Variants in NXPE2 observed in about 807,000 individuals in gnomAD.
NXPE2 encodes the protein neurexophilin and PC-esterase domain family member 2, also known as NXPE family member 2.
NXPE2 carries 34 observed loss-of-function variants against 34.4 expected under a neutral mutation model. The observed-to-expected ratio is 0.99, with a 90% CI of 0.75 to 1.31. NXPE2 has a LOEUF of 1.31. Ranked by LOEUF, NXPE2 falls within the 40% of genes most tolerant of loss-of-function variation. The pLI, the probability that NXPE2 is intolerant of heterozygous loss-of-function variation, is 0.00. For missense variants in NXPE2, 649 were observed against 672.5 expected (o/e 0.97, Z 0.39); for synonymous variants, 235 against 231.3 (o/e 1.02, Z -0.15).
the NXPE2 span, among the ~76,000 whole-genome samples, chr11:114,787,065 C>A: frequency 6.6e-6 from 1 of 152,312 alleles, no homozygotes; most frequent in East Asian, 1.9e-4. Context: ...AGCTCCCTGG[C>A]CTCTTCTCCC....
At chr11:114,786,000 A>G in the NXPE2 span, among the ~76,000 whole-genome samples, 1 of 152,234 alleles carries the variant, frequency 6.6e-6, no homozygotes, top group Admixed American at 6.5e-5. Context: ...CACCTGTTCA[A>G]CTGGCAGAGT....
the NXPE2 span, among the ~76,000 whole-genome samples, chr11:114,758,292 C>T: frequency 6.6e-6 from 1 of 152,096 alleles, no homozygotes; most frequent in African/African-American, 2.4e-5. Context: ...GTGGAATGAC[C>T]CTTTTGGAAA....
the NXPE2 span, chr11:114,571,400 G>C: frequency 6.2e-7 from 1 of 1,613,840 alleles, no homozygotes; most frequent in Admixed American, 1.7e-5. Flanking sequence ...ACTGGATGTT[G>C]ATGTTCCTAT....
At chr11:114,663,670 CTATCTATT>C in the NXPE2 span, among the ~76,000 whole-genome samples, 9 of 113,834 alleles carry the variant, frequency 7.9e-5, no homozygotes, top group East Asian at 2.5e-4. Flanking sequence ...TATCTATCAT[CTATCTATT>C]TATCTATCTA....
At chr11:114,773,288 C>CTCCG in the NXPE2 span, among the ~76,000 whole-genome samples, 2 of 95,870 alleles carry the variant, frequency 2.1e-5, no homozygotes, top group African/African-American at 3.6e-5. Flanking sequence ...CACCCCCCCC[C>CTCCG]CACCCCATTC....
chr11:114,555,437 G>C, the NXPE2 span, among the ~76,000 whole-genome samples: 2 of 152,128 alleles, frequency 1.3e-5, no homozygotes, highest in African/African-American at 2.4e-5. Flanking sequence ...ATGTTGGCCA[G>C]GATGGTCTCG....
the NXPE2 span, among the ~76,000 whole-genome samples, chr11:114,597,750 TA>T: frequency 7.4e-4 from 113 of 151,882 alleles, no homozygotes; most frequent in Non-Finnish European, 1.5e-3. Flanking sequence ...AAAATGGAGG[TA>T]CATGTCAAAA....
chr11:114,492,268 T>C, the NXPE2 span, among the ~76,000 whole-genome samples: 3 of 152,210 alleles, frequency 2.0e-5, no homozygotes, highest in Non-Finnish European at 2.9e-5. Context: ...AAGAGCATAT[T>C]GTTTAATTTT....
chr11:114,552,843 G>C, the NXPE2 span: 8 of 968,308 alleles, frequency 8.3e-6, no homozygotes, highest in Admixed American at 1.2e-4. Context: ...TAAAATACTG[G>C]GTACTTACCC....
chr11:114,535,320 C>G, the NXPE2 span, among the ~76,000 whole-genome samples: 1 of 152,230 alleles, frequency 6.6e-6, no homozygotes, highest in African/African-American at 2.4e-5. Flanking sequence ...CCAGCCACTG[C>G]AAAAACAAGC....
the NXPE2 span, among the ~76,000 whole-genome samples, chr11:114,775,880 G>GAAAAAAAAAAA: frequency 6.9e-6 from 1 of 144,138 alleles, no homozygotes; most frequent in East Asian, 2.0e-4. Context: ...ACAAAAAAAC[G>GAAAAAAAAAAA]AAAAAAAAAA....
the NXPE2 span, among the ~76,000 whole-genome samples, chr11:114,525,104 G>T: frequency 6.6e-6 from 1 of 151,898 alleles, no homozygotes; most frequent in Non-Finnish European, 1.5e-5. Flanking sequence ...AGATCTGGGG[G>T]TAATGGTGTG....
chr11:114,530,715 G>A, the NXPE2 span: 2 of 1,614,206 alleles, frequency 1.2e-6, no homozygotes, highest in South Asian at 1.1e-5. Context: ...GCTGTGTGTG[G>A]CACTGGTGGT....
the NXPE2 span, among the ~76,000 whole-genome samples, chr11:114,723,673 A>C: frequency 6.6e-6 from 1 of 151,962 alleles, no homozygotes; most frequent in Non-Finnish European, 1.5e-5. Context: ...CACTCTTTTG[A>C]CTAGTGCAGT....
At chr11:114,484,477 G>A in the NXPE2 span, among the ~76,000 whole-genome samples, 1 of 152,004 alleles carries the variant, frequency 6.6e-6, no homozygotes, top group African/African-American at 2.4e-5. Flanking sequence ...TCCTCTCTAG[G>A]TAGCGGGAAT....
At chr11:114,801,944 C>CAGATCTATG in the NXPE2 span, among the ~76,000 whole-genome samples, 3 of 152,074 alleles carry the variant, frequency 2.0e-5, no homozygotes. Flanking sequence ...ATCAGGCAGC[C>CAGATCTATG]AGATCTATGG....
At chr11:114,728,639 A>T in the NXPE2 span, among the ~76,000 whole-genome samples, 1 of 152,016 alleles carries the variant, frequency 6.6e-6, no homozygotes, top group Non-Finnish European at 1.5e-5. Flanking sequence ...AGGCCAATGG[A>T]TATTCTGTAA....
At chr11:114,744,075 A>G in the NXPE2 span, among the ~76,000 whole-genome samples, 1 of 151,984 alleles carries the variant, frequency 6.6e-6, no homozygotes, top group Non-Finnish European at 1.5e-5. Flanking sequence ...AATCCCATAT[A>G]CACGAGCTGA....
At chr11:114,718,434 G>C in the NXPE2 span, among the ~76,000 whole-genome samples, 1 of 152,120 alleles carries the variant, frequency 6.6e-6, no homozygotes, top group African/African-American at 2.4e-5. Flanking sequence ...GCTCTTAGTT[G>C]AATCTATTAA....
Sources: allele counts gnomAD v4.1 joint callset (sites outside exome capture counted in the v4.1 genomes callset), GRCh38; gene constraint gnomAD v4.1.1; transcripts MANE v1.5; gene names NCBI Gene and HGNC (gene_info 2026-07-23, HGNC 2026-07-21).